ZC3H12B: variants seen among roughly 807,000 people sequenced by gnomAD.
ZC3H12B encodes probable ribonuclease ZC3H12B.
ZC3H12B carries 7 observed loss-of-function variants against 43.9 expected under a neutral mutation model. The ratio of observed to expected loss-of-function variants is 0.16; its 90% CI spans 0.09 to 0.30. The LOEUF is 0.30. Among genes scored for constraint, ZC3H12B ranks in the 10% least tolerant of loss-of-function variants. ZC3H12B has a pLI of 1.00. For synonymous variants in ZC3H12B, 222 were observed against 241.7 expected (o/e 0.92, Z 0.76); for missense variants, 475 against 670.2 (o/e 0.71, Z 3.22).
the ZC3H12B span, among the ~76,000 whole-genome samples, chrX:65,333,854 G>A: frequency 9.0e-6 from 1 of 111,659 alleles, no homozygotes; most frequent in Non-Finnish European, 1.9e-5. Flanking sequence ...TCCTTCTGTA[G>A]CATACAACAA....
At chrX:65,471,586 G>A (rs1425095793) in intron 3 of ZC3H12B, among the ~76,000 whole-genome samples, 1 of 107,879 alleles carries the variant, frequency 9.3e-6, no homozygotes, top group East Asian at 2.9e-4. Context: ...GAGTAGCTGG[G>A]ATTACAGATA....
chrX:65,217,497 A>T, the ZC3H12B span, among the ~76,000 whole-genome samples: 2 of 112,180 alleles, frequency 1.8e-5, no homozygotes, highest in South Asian at 7.4e-4. Context: ...AGTTATGGAG[A>T]TATGTGACTT....
At chrX:65,209,688 CA>C in the ZC3H12B span, among the ~76,000 whole-genome samples, 1 of 109,749 alleles carries the variant, frequency 9.1e-6, no homozygotes, top group Non-Finnish European at 1.9e-5. Flanking sequence ...CTACAGTAAC[CA>C]AAACAGCATG....
At chrX:65,262,540 A>T in the ZC3H12B span, among the ~76,000 whole-genome samples, 3 of 111,648 alleles carry the variant, frequency 2.7e-5, no homozygotes, top group Non-Finnish European at 5.7e-5. Flanking sequence ...ATAAAAACAT[A>T]ATAAGTTCCA....
intron 3 of ZC3H12B, among the ~76,000 whole-genome samples, chrX:65,442,128 AC>A (rs1309085875): frequency 1.9e-5 from 2 of 107,131 alleles, no homozygotes; most frequent in Non-Finnish European, 3.8e-5. Flanking sequence ...TCCTTTATCC[AC>A]TTTTAGTCCT....
At chrX:65,034,964 G>C in the ZC3H12B span, among the ~76,000 whole-genome samples, 3 of 112,578 alleles carry the variant, frequency 2.7e-5, no homozygotes, top group African/African-American at 6.4e-5. Flanking sequence ...GACTGGTAAC[G>C]GCGGTCCCTC....
At chrX:65,388,397 C>G (rs2066561292) in intron 2 of ZC3H12B, among the ~76,000 whole-genome samples, 1 of 111,939 alleles carries the variant, frequency 8.9e-6, no homozygotes, top group Non-Finnish European at 1.9e-5. Context: ...CATTTGATCT[C>G]CCATCACTGA....
At chrX:65,448,314 C>T (rs2067408014) in intron 3 of ZC3H12B, among the ~76,000 whole-genome samples, 1 of 111,645 alleles carries the variant, frequency 9.0e-6, no homozygotes, top group Non-Finnish European at 1.9e-5. Context: ...TTATTATAAC[C>T]TCTATGGAAA....
At chrX:65,147,231 C>T in the ZC3H12B span, among the ~76,000 whole-genome samples, 2 of 111,951 alleles carry the variant, frequency 1.8e-5, no homozygotes, top group Non-Finnish European at 3.8e-5. Context: ...GTCAGCTCAT[C>T]GAGAGATTCT....
At chrX:65,315,162 A>G in the ZC3H12B span, among the ~76,000 whole-genome samples, 1 of 111,743 alleles carries the variant, frequency 8.9e-6, no homozygotes, top group East Asian at 2.8e-4. Context: ...TTTAATTTGT[A>G]CAATTAAATA....
chrX:65,120,430 A>C, the ZC3H12B span, among the ~76,000 whole-genome samples: 1 of 111,572 alleles, frequency 9.0e-6, no homozygotes, highest in Non-Finnish European at 1.9e-5. Context: ...GAGTTCACTC[A>C]TGATTTGGCT....
At chrX:65,073,319 G>T in the ZC3H12B span, among the ~76,000 whole-genome samples, 1 of 112,378 alleles carries the variant, frequency 8.9e-6, no homozygotes, top group Non-Finnish European at 1.9e-5. Flanking sequence ...AGTGGAGTGT[G>T]GGAGGGGACA....
At position 65,425,896 on chromosome X, in the gene ZC3H12B, C is replaced by T. The variant is rs143456051; in HGVS notation, n.407+27192C>T. Among the ~76,000 whole-genome samples, 749 of 111,507 alleles carry T rather than the reference C, an allele frequency of 6.7e-3. 13 individuals carry two copies. Among genetic ancestry groups the T allele is most frequent in the African/African-American group, 0.023 (715 of 30,753 alleles). ...TACTGAGGATTTTTGCATTGATGTTCATCAAGCATATGGCCTTAAGTTTCC... is the reference window on the plus strand; with the variant it reads ...TACTGAGGATTTTTGCATTGATGTTTATCAAGCATATGGCCTTAAGTTTCC... On this transcript the variant is annotated intron_variant and non_coding_transcript_variant, in intron 3 of 5. Coordinates refer to the ZC3H12B transcript ENST00000617377.
chrX:65,184,978 A>G, the ZC3H12B span: 2 of 111,716 alleles, frequency 1.8e-5, no homozygotes, highest in African/African-American at 6.5e-5. Flanking sequence ...AAATGTCTCA[A>G]TTAAGCTTAA....
the ZC3H12B span, among the ~76,000 whole-genome samples, chrX:65,131,561 G>A: frequency 1.8e-5 from 2 of 111,443 alleles, no homozygotes; most frequent in South Asian, 7.6e-4. Context: ...AACAGAAAGA[G>A]GAGTGGCGAA....
At chrX:65,082,298 TGAA>T in the ZC3H12B span, among the ~76,000 whole-genome samples, 1 of 111,050 alleles carries the variant, frequency 9.0e-6, no homozygotes, top group Non-Finnish European at 1.9e-5. Context: ...AAAATTGAAA[TGAA>T]GAAACAATAC....
chrX:65,473,870 G>A, intron 3 of ZC3H12B, among the ~76,000 whole-genome samples: 1 of 111,792 alleles, frequency 8.9e-6, no homozygotes, highest in Middle Eastern at 4.6e-3. Flanking sequence ...ATTTGTTAAG[G>A]CTTGTTTTGT....
At chrX:65,140,193 C>T in the ZC3H12B span, among the ~76,000 whole-genome samples, 1 of 111,309 alleles carries the variant, frequency 9.0e-6, no homozygotes, top group Non-Finnish European at 1.9e-5. Context: ...AAGCTTTCAT[C>T]GTTTTACTGT....
intron 3 of ZC3H12B, among the ~76,000 whole-genome samples, chrX:65,424,270 G>C (rs1181586527): frequency 8.9e-6 from 1 of 112,083 alleles, no homozygotes; most frequent in Non-Finnish European, 1.9e-5. Context: ...ACCTTCTTTT[G>C]AGAAGTGTCT....
Sources: allele counts gnomAD v4.1 joint callset (sites outside exome capture counted in the v4.1 genomes callset), GRCh38; gene constraint gnomAD v4.1.1; transcripts MANE v1.5; gene names NCBI Gene and HGNC (gene_info 2026-07-23, HGNC 2026-07-21).